Variants in KIF26B observed in about 807,000 individuals in gnomAD.
The protein encoded by KIF26B is kinesin family member 26B.
KIF26B carries 63 observed loss-of-function variants against 151.2 expected under a neutral mutation model. The ratio of observed to expected loss-of-function variants is 0.42; its 90% CI spans 0.34 to 0.51. KIF26B has a LOEUF of 0.51. KIF26B is among the 20% of genes least tolerant of loss of function. The pLI is 0.07. For synonymous variants in KIF26B, 1,357 were observed against 1,262.1 expected, an observed-to-expected ratio of 1.08 and a Z score of -1.59; for missense variants, 2,813 against 2,913.6, an observed-to-expected ratio of 0.97 and a Z score of 0.79.
intron 2 of KIF26B, among the ~76,000 whole-genome samples, chr1:245,267,633 T>TGCAC (rs1553340066): frequency 2.4e-5 from 2 of 83,268 alleles, no homozygotes; most frequent in Non-Finnish European, 4.9e-5. Flanking sequence ...AGCTAAGTAA[T>TGCAC]GCACACACAC....
chr1:245,610,966 T>C (rs866523190), intron 8 of KIF26B, among the ~76,000 whole-genome samples: 3 of 152,218 alleles, frequency 2.0e-5, no homozygotes, highest in Non-Finnish European at 4.4e-5. Flanking sequence ...TTTGAACAAA[T>C]CAGAAACATG....
chr1:245,417,982 G>GA (rs35631765), intron 3 of KIF26B, among the ~76,000 whole-genome samples: 1 of 152,048 alleles, frequency 6.6e-6, no homozygotes, highest in South Asian at 2.1e-4. Flanking sequence ...ATTCTTGGGG[G>GA]AAAAAAAAAG....
At chr1:245,233,573 C>A (rs1484501993) in intron 2 of KIF26B, among the ~76,000 whole-genome samples, 2 of 152,144 alleles carry the variant, frequency 1.3e-5, no homozygotes, top group Non-Finnish European at 2.9e-5. Context: ...GTGAGAAACA[C>A]TGCAGACTCT....
chr1:245,361,491 C>T (rs115774940), intron 2 of KIF26B, among the ~76,000 whole-genome samples: 9 of 152,186 alleles, frequency 5.9e-5, no homozygotes, highest in Non-Finnish European at 1.0e-4. Flanking sequence ...TGTTCATGCC[C>T]GCACCATTGT....
chr1:245,203,630 C>T (rs1183817525), intron 2 of KIF26B, among the ~76,000 whole-genome samples: 1 of 152,190 alleles, frequency 6.6e-6, no homozygotes, highest in African/African-American at 2.4e-5. Context: ...GATTTTCTTA[C>T]TTGTCTTCCT....
In KIF26B at chr1:245,685,650, T is replaced by C; in HGVS notation, c.2667T>C (p.Phe889=). 6.2e-7 allele frequency: 1 copy of C among 1,613,288 alleles called. No homozygotes were observed. Among genetic ancestry groups the C allele is most frequent in the South Asian group, 1.1e-5 (1 of 91,034 alleles). The stretch of plus-strand genomic sequence containing the variant: ...CCGACAACGAGGGCCCCCCAGACTT[T>C]GTCCCTATCGTGCCAGCCCTGCAGA... The part of the protein sequence containing the change: ...ELTDNEGPPD[F]VPIVPALQKT... Residue 889 remains phenylalanine, a synonymous_variant, in exon 12 of 15, where the codon TTT becomes TTC. Transcript: ENST00000407071.
Position 245,686,169 on chromosome 1 carries a change from C to A in KIF26B, c.3186C>A (p.Pro1062=). Residue 1062 remains proline (P), a synonymous_variant, in exon 12 of 15, where the codon CCC becomes CCA. Coordinates refer to ENST00000407071, the MANE Select transcript of KIF26B (RefSeq NM_018012.4). The surrounding 1 kb of genome is among the most constrained non-coding windows in gnomAD (Gnocchi z 5.6). ...SCGFVEGKPR[P]MGSPRLGIAS... ...GCTTCGTGGAAGGCAAGCCCAGGCC[C>A]ATGGGCTCCCCCCGGCTGGGCATCG... 1.9e-6 allele frequency: 3 copies of A among 1,612,586 alleles called. No individual in the cohort carries two copies. Among genetic ancestry groups the A allele is most frequent in the Non-Finnish European group, 1.7e-6 (2 of 1,179,876 alleles).
intron 2 of KIF26B, among the ~76,000 whole-genome samples, chr1:245,180,904 C>T (rs757776610): frequency 5.9e-5 from 9 of 152,126 alleles, no homozygotes; most frequent in Non-Finnish European, 1.0e-4. Flanking sequence ...GAAACGATCA[C>T]AGTCCACTGT....
At chr1:245,403,551 T>C (rs761962832) in intron 3 of KIF26B, among the ~76,000 whole-genome samples, 17 of 152,266 alleles carry the variant, frequency 1.1e-4, no homozygotes, top group African/African-American at 2.2e-4. Flanking sequence ...TGTGTGTGTG[T>C]GCGCGCGCAT....
intron 2 of KIF26B, among the ~76,000 whole-genome samples, chr1:245,316,786 G>C (rs1288724844): frequency 6.6e-6 from 1 of 150,830 alleles, no homozygotes; most frequent in Non-Finnish European, 1.5e-5. Flanking sequence ...ACTTAAATAT[G>C]AATACAAGTG....
At position 245,685,745 on chromosome 1, in the gene KIF26B, T is replaced by C. The variant is rs750490969; in HGVS notation, c.2762T>C (p.Leu921Pro). ...AAAGKSERDC[L>P]KCNTFAELQE... Reference sequence around the variant, plus strand: ...GCCGGCAAGTCAGAAAGGGACTGCCTGAAGTGCAACACGTTTGCCGAGCTG... The same window carrying C: ...GCCGGCAAGTCAGAAAGGGACTGCCCGAAGTGCAACACGTTTGCCGAGCTG... The change falls in exon 12 of 15, where the codon CTG becomes CCG. Residue 921 changes from leucine to proline, a missense_variant. This residue lies in a region of KIF26B where 2,060 missense variants were observed against 2,088.6 expected (regional missense o/e 0.99). Transcript: ENST00000407071. The C allele has an allele frequency of 6.2e-7, 1 of 1,612,804 alleles. No individual in the cohort carries two copies. The highest frequency in any genetic ancestry group is 8.5e-7 in the Non-Finnish European group (1 of 1,179,818).
chr1:245,537,011 C>A (rs892705162), intron 4 of KIF26B, among the ~76,000 whole-genome samples: 7 of 152,222 alleles, frequency 4.6e-5, no homozygotes, highest in African/African-American at 1.7e-4. Flanking sequence ...CAAGAAGGAA[C>A]ATAGACGCCC....
At chr1:245,528,315 T>A (rs1430157673) in intron 4 of KIF26B, among the ~76,000 whole-genome samples, 3 of 152,110 alleles carry the variant, frequency 2.0e-5, no homozygotes, top group Non-Finnish European at 2.9e-5. Flanking sequence ...AGGTCATCAG[T>A]TACCCAGGTG....
chr1:245,304,665 C>G (rs945374158), intron 2 of KIF26B, among the ~76,000 whole-genome samples: 8 of 152,036 alleles, frequency 5.3e-5, no homozygotes, highest in Middle Eastern at 6.3e-3. Context: ...GCCTGTCTGC[C>G]TGTCTGCCTG....
chr1:245,205,011 C>T (rs1669372003), intron 2 of KIF26B, among the ~76,000 whole-genome samples: 1 of 152,132 alleles, frequency 6.6e-6, no homozygotes, highest in Non-Finnish European at 1.5e-5. Flanking sequence ...GTCTTGAACT[C>T]CTGCCTTTGA....
At chr1:245,603,613 G>A (rs1196759675) in intron 6 of KIF26B, among the ~76,000 whole-genome samples, 3 of 152,134 alleles carry the variant, frequency 2.0e-5, no homozygotes, top group African/African-American at 4.8e-5. Context: ...GCCTTGACCA[G>A]GTCAGCTGGT....
At position 245,686,839 on chromosome 1, in the gene KIF26B, A is replaced by T; in HGVS notation, c.3856A>T (p.Ser1286Cys). 1 of 1,613,578 alleles carries T rather than the reference A, an allele frequency of 6.2e-7. No individual in the cohort carries two copies. Among genetic ancestry groups the T allele is most frequent in the Admixed American group, 1.7e-5 (1 of 59,996 alleles). Reference protein sequence around the residue: ...SSISSWLSEMSAGSEGEQSCH... With the variant: ...SSISSWLSEMCAGSEGEQSCH... ...CATCAGCTCCTGGCTGAGCGAGATG[A>T]GCGCGGGCAGTGAGGGTGAGCAGTC... The change falls in exon 12 of 15, where the codon AGC becomes TGC. Residue 1286 changes from serine (S) to cysteine (C), a missense_variant. By Grantham distance (112) the Ser-to-Cys change is moderately radical (BLOSUM62 -1). Coordinates refer to ENST00000407071, the MANE Select transcript of KIF26B (RefSeq NM_018012.4). The surrounding 1 kb of genome is among the most constrained non-coding windows in gnomAD (Gnocchi z 5.6).
At chr1:245,200,728 T>G (rs78679159) in intron 2 of KIF26B, among the ~76,000 whole-genome samples, 1,942 of 152,308 alleles carry the variant, frequency 0.013, 36 homozygotes, top group African/African-American at 0.044. Flanking sequence ...GAAACCTGCC[T>G]TTTCATAGAG....
chr1:245,283,508 T>C (rs1162292793), intron 2 of KIF26B, among the ~76,000 whole-genome samples: 1 of 151,930 alleles, frequency 6.6e-6, no homozygotes, highest in African/African-American at 2.4e-5. Flanking sequence ...CTCTGGGGAG[T>C]TATTGGTCTG....
Sources: gnomAD v4.1 joint callset for allele counts (sites outside exome capture counted in the v4.1 genomes callset) on GRCh38, gnomAD v4.1.1 for gene constraint, gnomAD v4.1.1 regional missense constraint, Gnocchi (gnomAD v3.1) non-coding constraint, MANE v1.5 for transcripts, NCBI Gene and HGNC (gene_info 2026-07-23, HGNC 2026-07-21) for gene names.